The following BMPR2 variants were observed in gnomAD, a reference collection of about 807,000 sequenced individuals.
BMPR2 encodes bone morphogenetic protein receptor type-2.
Under a neutral mutation model 100.8 loss-of-function variants are expected in BMPR2, and 29 were observed. The observed-to-expected ratio is 0.29, with a 90% CI of 0.21 to 0.39. The LOEUF is 0.39. BMPR2 is among the 10% of genes least tolerant of loss of function. The pLI, the probability that BMPR2 is intolerant of heterozygous loss-of-function variation, is 1.00. For missense variants in BMPR2, 1,011 were observed against 1,274.5 expected, an observed-to-expected ratio of 0.79 and a Z score of 3.15; for synonymous variants, 382 against 442.3, an observed-to-expected ratio of 0.86 and a Z score of 1.71.
chr2:202,530,879 C>T lies in BMPR2; in HGVS notation c.1053C>T (p.Asp351=), dbSNP rs1213654596. Residue 351 remains aspartate (D), a synonymous_variant, in exon 8 of 13, where the codon GAC becomes GAT. Transcript: ENST00000374580. ...ATGATGGAACCTGTGTTATTAGTGA[C>T]TTTGGACTGTCCATGAGGCTGACTG... ...VKNDGTCVIS[D]FGLSMRLTGN... The T allele has an allele frequency of 1.5e-5, 25 of 1,613,944 alleles. No homozygotes were observed. Among genetic ancestry groups the T allele is most frequent in the Middle Eastern group, 1.6e-4 (1 of 6,084 alleles).
At chr2:202,399,059 C>T (rs549754406) in intron 1 of BMPR2, among the ~76,000 whole-genome samples, 2 of 151,656 alleles carry the variant, frequency 1.3e-5, no homozygotes, top group Non-Finnish European at 2.9e-5. Context: ...ACCTGGGAGG[C>T]GGAGGTTATG....
At chr2:202,462,061 A>G (rs1003362882) in intron 1 of BMPR2, among the ~76,000 whole-genome samples, 2 of 152,018 alleles carry the variant, frequency 1.3e-5, no homozygotes. Context: ...TCCACCTGCA[A>G]AGCTATTTGT....
At chr2:202,448,473 A>T (rs909253635) in intron 1 of BMPR2, among the ~76,000 whole-genome samples, 3 of 150,258 alleles carry the variant, frequency 2.0e-5, no homozygotes, top group African/African-American at 7.3e-5. Flanking sequence ...TAAAAAATAA[A>T]AAAAAAAAAG....
intron 9 of BMPR2, among the ~76,000 whole-genome samples, chr2:202,540,207 T>G (rs1688246128): frequency 6.6e-6 from 1 of 152,184 alleles, no homozygotes. Flanking sequence ...AATTGTGAAT[T>G]TTTAGTTATT....
At chr2:202,452,272 T>C (rs1236120176) in intron 1 of BMPR2, among the ~76,000 whole-genome samples, 1 of 152,230 alleles carries the variant, frequency 6.6e-6, no homozygotes, top group Non-Finnish European at 1.5e-5. Context: ...GTGTGATGTC[T>C]TTTGCTCTGA....
At chr2:202,463,401 T>A (rs1274197411) in intron 1 of BMPR2, among the ~76,000 whole-genome samples, 1 of 152,240 alleles carries the variant, frequency 6.6e-6, no homozygotes, top group East Asian at 1.9e-4. Context: ...TTAAGTTTTC[T>A]TATTATTGTT....
intron 1 of BMPR2, among the ~76,000 whole-genome samples, chr2:202,412,912 C>CTG (rs34767100): frequency 0.12 from 17,814 of 150,352 alleles, 1,124 homozygotes; most frequent in Admixed American, 0.14. Context: ...GTACTATATG[C>CTG]TGTGTGTGTG....
At chr2:202,469,781 C>T (rs968637062) in intron 3 of BMPR2, among the ~76,000 whole-genome samples, 6 of 152,086 alleles carry the variant, frequency 3.9e-5, no homozygotes, top group Admixed American at 1.3e-4. Flanking sequence ...CCGCGCCCGG[C>T]CCCAATTGTA....
At chr2:202,424,563 G>T (rs553113237) in intron 1 of BMPR2, among the ~76,000 whole-genome samples, 8 of 151,912 alleles carry the variant, frequency 5.3e-5, no homozygotes, top group African/African-American at 7.2e-5. Flanking sequence ...GGGCGTGGTG[G>T]CAGGCGCCTG....
intron 1 of BMPR2, among the ~76,000 whole-genome samples, chr2:202,423,850 T>G (rs1691323801): frequency 6.7e-6 from 1 of 150,274 alleles, no homozygotes; most frequent in Non-Finnish European, 1.5e-5. Flanking sequence ...AGGCCAGGAG[T>G]TCAAGACCAG....
At position 202,552,161 on chromosome 2, in the gene BMPR2, T is replaced by A. The variant is rs561807673; in HGVS notation, c.1414-555T>A. 6.5e-4 allele frequency among the ~76,000 whole-genome samples: 99 copies of A among 152,224 alleles called. 1 individual carries two copies. Among genetic ancestry groups the A allele is most frequent in the African/African-American group, 2.2e-3 (93 of 41,538 alleles). On this transcript the variant is annotated intron_variant, in intron 10 of 12. Coordinates refer to ENST00000374580, the MANE Select transcript of BMPR2 (RefSeq NM_001204.7). ...AACCACCACGCCTGGCCAATTTTTT[T>A]ATATTTTTAGTAGAGATGGGGTTTC...
intron 1 of BMPR2, among the ~76,000 whole-genome samples, chr2:202,440,646 C>T (rs1039184268): frequency 5.3e-5 from 8 of 150,582 alleles, no homozygotes; most frequent in African/African-American, 1.3e-4. Flanking sequence ...TGTAGCGAGC[C>T]GAGATCACGC....
intron 10 of BMPR2, among the ~76,000 whole-genome samples, chr2:202,550,239 G>T (rs1383280828): frequency 1.3e-5 from 2 of 152,018 alleles, no homozygotes; most frequent in Non-Finnish European, 2.9e-5. Context: ...CAGGTGTGGT[G>T]GCGGGTGCCT....
chr2:202,524,571 A>G (rs1687874511), intron 7 of BMPR2, among the ~76,000 whole-genome samples: 1 of 152,062 alleles, frequency 6.6e-6, no homozygotes, highest in Admixed American at 6.6e-5. Context: ...AGAGAGCCCA[A>G]GAGTTCAAGA....
chr2:202,542,468 T>C, intron 10 of BMPR2, 21 bp downstream of exon 10: 1 of 1,612,584 alleles, frequency 6.2e-7, no homozygotes, highest in Non-Finnish European at 8.5e-7. Flanking sequence ...ACTAAGTTAT[T>C]AAAGAGAGGA....
chr2:202,514,805 T>C (rs1687683694), intron 4 of BMPR2, 83 bp from the exon 5 acceptor site: 14 of 1,117,732 alleles, frequency 1.3e-5, no homozygotes, highest in Non-Finnish European at 1.7e-5. Flanking sequence ...GCTCTTCTTT[T>C]TAAGTGTAAT....
At chr2:202,452,133 C>T (rs2105948530) in intron 1 of BMPR2, among the ~76,000 whole-genome samples, 1 of 152,178 alleles carries the variant, frequency 6.6e-6, no homozygotes, top group African/African-American at 2.4e-5. Context: ...TTTATCATCC[C>T]CCAAAGATTC....
intron 7 of BMPR2, among the ~76,000 whole-genome samples, chr2:202,523,511 A>G (rs1313503609): frequency 1.3e-5 from 2 of 152,204 alleles, no homozygotes; most frequent in Non-Finnish European, 2.9e-5. Flanking sequence ...GATATAAAAA[A>G]TGTGTTAAAT....
chr2:202,473,997 C>T (rs367796829), intron 3 of BMPR2, among the ~76,000 whole-genome samples: 30 of 150,272 alleles, frequency 2.0e-4, no homozygotes, highest in African/African-American at 6.9e-4. Context: ...CCCAGCTGTT[C>T]GGGAGGCTGA....
Sources: allele counts gnomAD v4.1 joint callset (sites outside exome capture counted in the v4.1 genomes callset), GRCh38; gene constraint gnomAD v4.1.1; transcripts MANE v1.5; gene names NCBI Gene and HGNC (gene_info 2026-07-23, HGNC 2026-07-21).